DOCK4: variants seen among roughly 807,000 people sequenced by gnomAD.
The protein encoded by DOCK4 is dedicator of cytokinesis 4.
A neutral mutation model predicts 268.1 loss-of-function variants in DOCK4; 97 were observed. That is an observed-to-expected ratio of 0.36 (90% CI 0.31 to 0.43). The LOEUF (loss-of-function observed/expected upper bound fraction) is 0.43, where lower values mean the gene tolerates loss of function less well. Ranked by LOEUF, DOCK4 falls within the 20% of genes least tolerant of loss-of-function variation. The pLI is 1.00. For missense variants in DOCK4, 2,145 were observed against 2,455.7 expected, an observed-to-expected ratio of 0.87 and a Z score of 2.67; for synonymous variants, 954 against 887.2, an observed-to-expected ratio of 1.08 and a Z score of -1.34.
At chr7:111,762,765 T>G (rs914198237) in intron 39 of DOCK4, among the ~76,000 whole-genome samples, 4 of 81,582 alleles carry the variant, frequency 4.9e-5, no homozygotes, top group African/African-American at 2.4e-4. Context: ...TTGTTTTCTT[T>G]TTTTTTTTTT....
chr7:111,770,340 T>C (rs1798056735), intron 36 of DOCK4, among the ~76,000 whole-genome samples: 1 of 151,794 alleles, frequency 6.6e-6, no homozygotes. Flanking sequence ...TATTTGTGTG[T>C]GTGAGAGAGA....
chr7:111,766,157 C>T (rs972071215), intron 38 of DOCK4, among the ~76,000 whole-genome samples: 8 of 152,102 alleles, frequency 5.3e-5, no homozygotes, highest in East Asian at 1.9e-4. Flanking sequence ...TTTTCTCTTT[C>T]GTTTTCATGT....
chr7:111,823,674 C>T (rs978723581), intron 26 of DOCK4, among the ~76,000 whole-genome samples: 15 of 152,314 alleles, frequency 9.8e-5, no homozygotes, highest in Non-Finnish European at 1.9e-4. Context: ...GATTTATTAA[C>T]TAGAAAACTT....
intron 50 of DOCK4, 136 bp downstream of exon 50, chr7:111,736,781 C>T (rs1795521043): frequency 1.0e-5 from 8 of 780,256 alleles, no homozygotes; most frequent in Non-Finnish European, 1.5e-5. Context: ...TTTCATTAAT[C>T]CCTTAAAGAG....
chr7:111,753,308 C>G (rs1230122903), intron 42 of DOCK4, among the ~76,000 whole-genome samples: 1 of 152,100 alleles, frequency 6.6e-6, no homozygotes, highest in African/African-American at 2.4e-5. Context: ...CACCTCATCT[C>G]TACAACAAAT....
intron 1 of DOCK4, among the ~76,000 whole-genome samples, chr7:112,195,567 C>T (rs11767187): frequency 0.022 from 3,287 of 152,138 alleles, 59 homozygotes; most frequent in Non-Finnish European, 0.034. Flanking sequence ...CTCCTCTCCC[C>T]ACAAAGTGAA....
chr7:112,095,023 G>C (rs980257416), intron 1 of DOCK4, among the ~76,000 whole-genome samples: 4 of 152,092 alleles, frequency 2.6e-5, no homozygotes, highest in African/African-American at 9.7e-5. Flanking sequence ...CCCAGTCTCA[G>C]GTATTTCTTT....
At chr7:112,121,396 G>A (rs540298983) in intron 1 of DOCK4, among the ~76,000 whole-genome samples, 1 of 152,314 alleles carries the variant, frequency 6.6e-6, no homozygotes, top group Non-Finnish European at 1.5e-5. Context: ...GGCTCCTAGT[G>A]CTTCTTACAA....
rs1563499306 is a variant in DOCK4 at position 111,784,085 on chromosome 7, A to G, written c.3428+12T>C. The G allele has an allele frequency of 6.3e-7, 1 of 1,580,102 alleles. No individual in the cohort carries two copies. The highest frequency in any genetic ancestry group is 8.6e-7 in the Non-Finnish European group (1 of 1,167,254). The stretch of plus-strand genomic sequence containing the variant: ...ATCTCACAAGTAGCACAATTTGCAA[A>G]CAATGTCTTACCTAGGATAGGGACC... On this transcript the variant is annotated intron_variant, in intron 33 of 52. Transcript: ENST00000428084.
At chr7:112,160,825 A>G (rs1422616457) in intron 1 of DOCK4, among the ~76,000 whole-genome samples, 1 of 152,224 alleles carries the variant, frequency 6.6e-6, no homozygotes, top group Non-Finnish European at 1.5e-5. Context: ...CGCGGCATTC[A>G]TCAGTTTACA....
intron 13 of DOCK4, among the ~76,000 whole-genome samples, chr7:111,905,495 G>A (rs1314493349): frequency 6.6e-6 from 1 of 152,164 alleles, no homozygotes; most frequent in African/African-American, 2.4e-5. Context: ...TTCAGTGACT[G>A]CAGTCAAATG....
At chr7:112,010,125 C>A (rs768577221) in intron 1 of DOCK4, among the ~76,000 whole-genome samples, 26 of 152,052 alleles carry the variant, frequency 1.7e-4, no homozygotes, top group Non-Finnish European at 3.5e-4. Context: ...CCAAGGAGAA[C>A]TAAATTTTTC....
At chr7:111,729,987 C>G (rs1200946045) in intron 52 of DOCK4, among the ~76,000 whole-genome samples, 2 of 152,158 alleles carry the variant, frequency 1.3e-5, no homozygotes, top group African/African-American at 2.4e-5. Context: ...ACTAGGAGTT[C>G]TGGCCACAAT....
chr7:111,823,450 C>T (rs1477586275), intron 26 of DOCK4, among the ~76,000 whole-genome samples: 5 of 152,066 alleles, frequency 3.3e-5, no homozygotes, highest in East Asian at 1.9e-4. Flanking sequence ...TCAGGTGATC[C>T]GCCCACCTCG....
At chr7:111,791,939 G>T (rs1326626379) in intron 30 of DOCK4, among the ~76,000 whole-genome samples, 1 of 152,134 alleles carries the variant, frequency 6.6e-6, no homozygotes, top group Non-Finnish European at 1.5e-5. Context: ...CCCCCCAAAA[G>T]AATATAAACA....
At chr7:111,789,480 G>A (rs1304649231) in intron 31 of DOCK4, among the ~76,000 whole-genome samples, 1 of 152,168 alleles carries the variant, frequency 6.6e-6, no homozygotes, top group African/African-American at 2.4e-5. Context: ...GGACTGGGAG[G>A]AATATTTGAC....
At chr7:111,834,035 T>C (rs772227921) in intron 26 of DOCK4, among the ~76,000 whole-genome samples, 35 of 152,352 alleles carry the variant, frequency 2.3e-4, no homozygotes, top group Admixed American at 8.5e-4. Context: ...TACAGTTCTG[T>C]GAATCTCAGC....
intron 8 of DOCK4, among the ~76,000 whole-genome samples, chr7:111,963,214 C>T (rs1265918597): frequency 6.6e-6 from 1 of 151,932 alleles, no homozygotes; most frequent in Non-Finnish European, 1.5e-5. Flanking sequence ...CCAAGATGGC[C>T]GAATAGGAAC....
intron 16 of DOCK4, among the ~76,000 whole-genome samples, chr7:111,891,189 G>A (rs1174602496): frequency 6.7e-6 from 1 of 150,224 alleles, no homozygotes; most frequent in Non-Finnish European, 1.5e-5. Context: ...TGGTCAAAAT[G>A]AAAAAAAAAT....
Sources: gnomAD v4.1 joint callset for allele counts (sites outside exome capture counted in the v4.1 genomes callset) on GRCh38, gnomAD v4.1.1 for gene constraint, MANE v1.5 for transcripts, NCBI Gene and HGNC (gene_info 2026-07-23, HGNC 2026-07-21) for gene names.